Variants in CDYL2 observed in about 807,000 individuals in gnomAD.
CDYL2 encodes the protein chromodomain Y like 2, also known as chromodomain Y-like protein 2.
Under a neutral mutation model 49.4 loss-of-function variants are expected in CDYL2, and 23 were observed. The ratio of observed to expected loss-of-function variants is 0.47; its 90% CI spans 0.34 to 0.66. The LOEUF is 0.66. Among genes scored for constraint, CDYL2 ranks in the 30% least tolerant of loss-of-function variants. The pLI is 0.01. For synonymous variants in CDYL2, 360 were observed against 268.8 expected (o/e 1.34, Z -3.32); for missense variants, 678 against 656.4 (o/e 1.03, Z -0.36).
At position 80,675,620 on chromosome 16, in the gene CDYL2, T is replaced by G. The variant is rs1909713437; in HGVS notation, c.616+8918A>C. On this transcript the variant is annotated intron_variant, in intron 2 of 6. Transcript: ENST00000570137. ...GGGGAGAGTGGCTTTTCACCGACATTAGGAGGTGAAGTTTTATTATTGTTT... is the reference window on the plus strand; with the variant it reads ...GGGGAGAGTGGCTTTTCACCGACATGAGGAGGTGAAGTTTTATTATTGTTT... Among the ~76,000 whole-genome samples the G allele has an allele frequency of 2.0e-5, 3 of 151,594 alleles. No individual in the cohort carries two copies. The South Asian group carries it at 6.3e-4, about 32-fold the overall frequency.
chr16:80,652,026 T>C (rs1033844149), intron 2 of CDYL2, among the ~76,000 whole-genome samples: 1 of 152,206 alleles, frequency 6.6e-6, no homozygotes, highest in East Asian at 1.9e-4. Flanking sequence ...TAAAGATGGC[T>C]GCATACAGAA....
chr16:80,703,280 A>C (rs1245817830), intron 1 of CDYL2, among the ~76,000 whole-genome samples: 1 of 152,228 alleles, frequency 6.6e-6, no homozygotes. Flanking sequence ...GAATAGCATT[A>C]TATTTTAAAG....
chr16:80,718,842 G>T (rs796709142), intron 1 of CDYL2, among the ~76,000 whole-genome samples: 3 of 152,184 alleles, frequency 2.0e-5, no homozygotes, highest in African/African-American at 7.2e-5. Context: ...GTACTGACAA[G>T]AGCAGGGGAG....
At chr16:80,699,931 G>A (rs960957182) in intron 1 of CDYL2, among the ~76,000 whole-genome samples, 2 of 151,104 alleles carry the variant, frequency 1.3e-5, no homozygotes, top group Non-Finnish European at 1.5e-5. Flanking sequence ...GCAGTGGCGC[G>A]ATCTCCGCTC....
intron 1 of CDYL2, among the ~76,000 whole-genome samples, chr16:80,761,434 T>C (rs537856802): frequency 6.6e-5 from 10 of 152,326 alleles, no homozygotes; most frequent in African/African-American, 2.4e-4. Context: ...AGTAGAGAGC[T>C]TGACGTCTAG....
intron 1 of CDYL2, among the ~76,000 whole-genome samples, chr16:80,688,126 G>A (rs922086372): frequency 1.3e-5 from 2 of 152,224 alleles, no homozygotes; most frequent in Non-Finnish European, 2.9e-5. Flanking sequence ...GCGGAGCTTA[G>A]TTTTGTTCCC....
At chr16:80,802,334 A>T (rs1466915165) in intron 1 of CDYL2, among the ~76,000 whole-genome samples, 1 of 152,198 alleles carries the variant, frequency 6.6e-6, no homozygotes, top group Admixed American at 6.5e-5. Flanking sequence ...GAAAACCATG[A>T]TTCCAACCAG....
At chr16:80,759,120 A>ATATATATATATATATATATATATATGGTT (rs1567597491) in intron 1 of CDYL2, among the ~76,000 whole-genome samples, 17 of 122,678 alleles carry the variant, frequency 1.4e-4, no homozygotes, top group African/African-American at 3.9e-4. Context: ...ATATATATAT[A>ATATATATATATATATATATATATATGGTT]TATATATATA....
At chr16:80,635,898 G>T (rs752732968) in intron 2 of CDYL2, among the ~76,000 whole-genome samples, 3 of 152,170 alleles carry the variant, frequency 2.0e-5, no homozygotes, top group Non-Finnish European at 4.4e-5. Context: ...AGAGGCCTCA[G>T]AAATAACACC....
intron 1 of CDYL2, among the ~76,000 whole-genome samples, chr16:80,797,676 C>T (rs746569134): frequency 2.6e-5 from 4 of 152,106 alleles, no homozygotes; most frequent in Non-Finnish European, 5.9e-5. Flanking sequence ...CTGTTTTAAA[C>T]CACTGTTATT....
intron 4 of CDYL2, among the ~76,000 whole-genome samples, chr16:80,619,180 A>G (rs4888100): frequency 0.28 from 42,543 of 151,992 alleles, 6,263 homozygotes; most frequent in Admixed American, 0.42. Flanking sequence ...CTCTTATGAA[A>G]TAAGTTCTCT....
chr16:80,708,323 G>A (rs1266988063), intron 1 of CDYL2, among the ~76,000 whole-genome samples: 1 of 152,172 alleles, frequency 6.6e-6, no homozygotes, highest in Non-Finnish European at 1.5e-5. Flanking sequence ...CAGTGAATAA[G>A]TCTCAGGAGA....
chr16:80,632,094 T>G (rs1355397202), intron 3 of CDYL2, among the ~76,000 whole-genome samples: 2 of 152,176 alleles, frequency 1.3e-5, no homozygotes, highest in African/African-American at 4.8e-5. Context: ...TGAAAATATA[T>G]GTTCACATAA....
chr16:80,775,752 G>A (rs906787347), intron 1 of CDYL2, among the ~76,000 whole-genome samples: 5 of 151,780 alleles, frequency 3.3e-5, no homozygotes, highest in Non-Finnish European at 5.9e-5. Flanking sequence ...TAAGACTTCA[G>A]ACTAACTCTC....
At chr16:80,701,970 G>A (rs1010957739) in intron 1 of CDYL2, among the ~76,000 whole-genome samples, 1 of 152,170 alleles carries the variant, frequency 6.6e-6, no homozygotes, top group Non-Finnish European at 1.5e-5. Flanking sequence ...AAGCAAGCCT[G>A]AAAACATCCC....
In CDYL2 at chr16:80,615,500, T is replaced by C. The variant is rs185576028; in HGVS notation, c.1008-2664A>G. 5.0e-3 allele frequency among the ~76,000 whole-genome samples: 759 copies of C among 152,182 alleles called. 3 individuals carry two copies. The highest frequency in any genetic ancestry group is 0.017 in the African/African-American group (694 of 41,514). ...TTCCAACGATGCATCATTCCGCCTC[T>C]GCTGGACGTTTTTAATAAAAGAGGG... On this transcript the variant is annotated intron_variant, in intron 4 of 6. Coordinates refer to ENST00000570137, the MANE Select transcript of CDYL2 (RefSeq NM_152342.4).
At chr16:80,755,448 C>T (rs1181009149) in intron 1 of CDYL2, among the ~76,000 whole-genome samples, 1 of 152,176 alleles carries the variant, frequency 6.6e-6, no homozygotes. Context: ...CTGTGGAAAA[C>T]AACTCTGAAT....
chr16:80,736,552 G>T (rs1041281927), intron 1 of CDYL2: 1 of 152,194 alleles, frequency 6.6e-6, no homozygotes, highest in Non-Finnish European at 1.5e-5. Flanking sequence ...TGAAGGAGGA[G>T]ACAGGACAGC....
intron 1 of CDYL2, among the ~76,000 whole-genome samples, chr16:80,693,273 A>AT (rs1910490073): frequency 6.6e-6 from 1 of 152,222 alleles, no homozygotes; most frequent in Non-Finnish European, 1.5e-5. Flanking sequence ...GTGTAATCAT[A>AT]AATAAGTTAT....
Sources: allele counts gnomAD v4.1 joint callset (sites outside exome capture counted in the v4.1 genomes callset), GRCh38; gene constraint gnomAD v4.1.1; transcripts MANE v1.5; gene names NCBI Gene and HGNC (gene_info 2026-07-23, HGNC 2026-07-21).